The following CACNA1D variants were observed in gnomAD, a reference collection of about 807,000 sequenced individuals.
The protein encoded by CACNA1D is voltage-dependent L-type calcium channel subunit alpha-1D.
CACNA1D carries 55 observed loss-of-function variants against 257.1 expected under a neutral mutation model. The observed-to-expected ratio is 0.21, with a 90% CI of 0.17 to 0.27. The LOEUF is 0.27. Among genes scored for constraint, CACNA1D ranks in the 10% least tolerant of loss-of-function variants. The pLI, the probability that CACNA1D is intolerant of heterozygous loss-of-function variation, is 1.00. For missense variants in CACNA1D, 1,876 were observed against 2,784.0 expected (o/e 0.67, Z 7.34); for synonymous variants, 980 against 1,014.9 (o/e 0.97, Z 0.65).
rs1225399417 is a variant in CACNA1D at position 53,673,988 on chromosome 3, A to C, written c.1220+862A>C. On this transcript the variant is annotated intron_variant, in intron 8 of 47. Coordinates refer to ENST00000350061, the MANE Select transcript of CACNA1D (RefSeq NM_001128840.3). This position sits in a 1 kb window ranked among gnomAD's most constrained non-coding sequence, Gnocchi z 4.1. ...TTCTTTCTGCCTGTATCTGTCTGTG[A>C]GATTCCGTGTTTCCAATGCTTGCCA... 2.9e-6 allele frequency: 2 copies of C among 686,650 alleles called. No individual in the cohort carries two copies. Among genetic ancestry groups the C allele is most frequent in the Non-Finnish European group, 5.4e-6 (2 of 370,612 alleles). 42.5% of individuals were successfully genotyped at this position (686,650 alleles called of 1,614,324 possible). A position where few individuals can be genotyped will look rare whatever the true frequency, so the allele number is the denominator to read the frequency against.
At chr3:53,586,314 G>GTA (rs1262355028) in intron 3 of CACNA1D, among the ~76,000 whole-genome samples, 1 of 150,542 alleles carries the variant, frequency 6.6e-6, no homozygotes, top group Non-Finnish European at 1.5e-5. Flanking sequence ...GTGTGTGTGT[G>GTA]TGTGTGCATT....
intron 17 of CACNA1D, among the ~76,000 whole-genome samples, chr3:53,731,796 C>A (rs552700547): frequency 6.6e-6 from 1 of 152,228 alleles, no homozygotes; most frequent in African/African-American, 2.4e-5. Flanking sequence ...TGGCTAACCA[C>A]GACTGGGTCA....
intron 40 of CACNA1D, among the ~76,000 whole-genome samples, chr3:53,799,530 A>G (rs2095525082): frequency 6.6e-6 from 1 of 152,196 alleles, no homozygotes; most frequent in Non-Finnish European, 1.5e-5. Context: ...ACTGCCTGCA[A>G]AGGCTGATAA....
intron 20 of CACNA1D, among the ~76,000 whole-genome samples, chr3:53,736,078 C>A (rs766730702): frequency 1.5e-4 from 23 of 152,138 alleles, no homozygotes; most frequent in Admixed American, 3.9e-4. Context: ...CACTGGCTCA[C>A]ACCTGTAATT....
At chr3:53,711,092 A>T (rs546256860) in intron 9 of CACNA1D, among the ~76,000 whole-genome samples, 107 of 152,290 alleles carry the variant, frequency 7.0e-4, no homozygotes, top group African/African-American at 2.5e-3. Context: ...AAAGAAGCAA[A>T]CAAAAAAATC....
intron 3 of CACNA1D, among the ~76,000 whole-genome samples, chr3:53,547,227 C>G (rs936967597): frequency 6.6e-6 from 1 of 152,128 alleles, no homozygotes. Context: ...GGTTGTGGTC[C>G]TAAGTGCTCC....
In CACNA1D at chr3:53,599,194, A is replaced by G. The variant is rs537484005; in HGVS notation, c.484-51585A>G. Among the ~76,000 whole-genome samples, 30 of 152,326 alleles carry G rather than the reference A, an allele frequency of 2.0e-4. 1 individual carries two copies. The highest frequency in any genetic ancestry group is 3.8e-4 in the Non-Finnish European group (26 of 68,016). ...GCTTAAAAATATTTTAAAGTAAAACATGTTAATTTTGAAACATATAGGAAC... is the reference window on the plus strand; with the variant it reads ...GCTTAAAAATATTTTAAAGTAAAACGTGTTAATTTTGAAACATATAGGAAC... On this transcript the variant is annotated intron_variant, in intron 3 of 47. Coordinates refer to ENST00000350061, the MANE Select transcript of CACNA1D (RefSeq NM_001128840.3).
chr3:53,801,351 G>A lies in CACNA1D; in HGVS notation c.5334G>A (p.Glu1778=). 6.2e-7 allele frequency: 1 copy of A among 1,614,164 alleles called. No individual in the cohort carries two copies. Among genetic ancestry groups the A allele is most frequent in the Non-Finnish European group, 8.5e-7 (1 of 1,180,008 alleles). Residue 1778 remains glutamate (E), a synonymous_variant, in exon 42 of 48, where the codon GAG becomes GAA. Transcript: ENST00000350061. ...HGKRPSIGNL[E]HVSENGHHSS... ...AGCGGCCCAGCATTGGGAACCTTGA[G>A]CATGTGTCTGAAAATGGGCATCATT...
intron 39 of CACNA1D, 153 bp downstream of exon 39, chr3:53,781,820 T>C (rs920628201): frequency 8.7e-6 from 6 of 690,226 alleles, no homozygotes; most frequent in Non-Finnish European, 1.6e-5. Flanking sequence ...GGCCATTTGG[T>C]GTGATTATTT....
intron 20 of CACNA1D, among the ~76,000 whole-genome samples, chr3:53,736,409 A>G (rs1335092354): frequency 1.3e-5 from 2 of 152,242 alleles, no homozygotes; most frequent in East Asian, 1.9e-4. Context: ...ATTATAAAAT[A>G]TGTGATTATG....
In CACNA1D at chr3:53,553,962, C is replaced by T. The variant is rs1040391308; in HGVS notation, c.483+52242C>T. 3.2e-4 allele frequency among the ~76,000 whole-genome samples: 49 copies of T among 151,658 alleles called. 1 individual carries two copies. The highest frequency in any genetic ancestry group is 2.6e-3 in the Admixed American group (40 of 15,184). On this transcript the variant is annotated intron_variant, in intron 3 of 47. Coordinates refer to ENST00000350061, the MANE Select transcript of CACNA1D (RefSeq NM_001128840.3). The stretch of plus-strand genomic sequence containing the variant: ...CTGTAATCTCAGCACTTTGGGAGGC[C>T]AAGGCGGGCAGATCATGAGGTCAGG...
chr3:53,567,786 A>G (rs112044734), intron 3 of CACNA1D, among the ~76,000 whole-genome samples: 2,531 of 152,334 alleles, frequency 0.017, 32 homozygotes, highest in Non-Finnish European at 0.025. Context: ...CATGTCTTGT[A>G]TACACTGCCT....
rs2090291645 is a variant in CACNA1D at position 53,495,173 on chromosome 3, A to G, written c.7A>G (p.Met3Val). 1.9e-6 allele frequency: 3 copies of G among 1,612,176 alleles called. No individual in the cohort carries two copies. The highest frequency in any genetic ancestry group is 2.2e-5 in the South Asian group (2 of 91,044). MM[M>V]MMMMKKMQHQ... ...GCTCAATAAATGTTCGTGGATGATG[A>G]TGATGATGATGATGAAAAAAATGCA... Residue 3 changes from methionine (M) to valine (V), a missense_variant, in exon 1 of 48, where the codon ATG (methionine) becomes GTG (valine). Physicochemically the swap from Met to Val is conservative, Grantham distance 21. This residue lies in a region of CACNA1D where 143 missense variants were observed against 168.7 expected (regional missense o/e 0.85). Transcript: ENST00000350061. This position sits in a 1 kb window ranked among gnomAD's most constrained non-coding sequence, Gnocchi z 5.1.
chr3:53,748,753 C>G (rs548538562), intron 26 of CACNA1D, among the ~76,000 whole-genome samples: 199 of 152,288 alleles, frequency 1.3e-3, no homozygotes, highest in East Asian at 2.7e-3. Flanking sequence ...CTGGGTGCCC[C>G]AGAAGTGTTG....
Position 53,495,298 on chromosome 3 carries a change from CCCCCTT to C in CACNA1D, c.67+70_67+75del. ...TCCTGTCATGGTCCTCCAGCCCCCT[CCCCCTT>C]CCCCGCGGCGCTGGATGGGTTGAGG... On this transcript the variant is annotated intron_variant, in intron 1 of 47. Coordinates refer to ENST00000350061, the MANE Select transcript of CACNA1D (RefSeq NM_001128840.3). The surrounding 1 kb of genome is among the most constrained non-coding windows in gnomAD (Gnocchi z 5.1). 2 of 1,596,182 alleles carry C rather than the reference CCCCCTT, an allele frequency of 1.3e-6. No homozygotes were observed. The highest frequency in any genetic ancestry group is 2.2e-5 in the South Asian group (2 of 90,642).
At chr3:53,635,169 T>G (rs1271197604) in intron 3 of CACNA1D, among the ~76,000 whole-genome samples, 2 of 152,174 alleles carry the variant, frequency 1.3e-5, no homozygotes, top group Non-Finnish European at 2.9e-5. Context: ...AGCCCTGTTC[T>G]TAGCTAAGAA....
At chr3:53,499,387 G>GGGC (rs1326101695) in intron 2 of CACNA1D, among the ~76,000 whole-genome samples, 1 of 151,760 alleles carries the variant, frequency 6.6e-6, no homozygotes. Context: ...TTTCCACCCC[G>GGGC]GGCAGCTCTG....
intron 7 of CACNA1D, among the ~76,000 whole-genome samples, chr3:53,671,229 G>A (rs752766910): frequency 3.9e-5 from 6 of 152,256 alleles, no homozygotes; most frequent in African/African-American, 2.4e-5. Flanking sequence ...ACTGAGGCCT[G>A]AAGGAGGGTT....
At chr3:53,619,820 A>G (rs953684756) in intron 3 of CACNA1D, among the ~76,000 whole-genome samples, 2 of 152,322 alleles carry the variant, frequency 1.3e-5, no homozygotes, top group South Asian at 2.1e-4. Context: ...TCTTCCAACC[A>G]GAAATGTATA....
Sources: allele counts gnomAD v4.1 joint callset (sites outside exome capture counted in the v4.1 genomes callset), GRCh38; gene constraint gnomAD v4.1.1; regional missense constraint gnomAD v4.1.1; non-coding constraint Gnocchi (gnomAD v3.1); transcripts MANE v1.5; gene names NCBI Gene and HGNC (gene_info 2026-07-23, HGNC 2026-07-21).